VEPH1: variants seen among roughly 807,000 people sequenced by gnomAD.
VEPH1 encodes ventricular zone expressed PH domain containing 1, also known as ventricular zone-expressed PH domain-containing protein homolog 1.
A neutral mutation model predicts 85.2 loss-of-function variants in VEPH1; 80 were observed. The observed-to-expected ratio is 0.94, with a 90% CI of 0.78 to 1.13. VEPH1 has a LOEUF of 1.13. VEPH1 is among the 50% of genes most tolerant of loss of function. The pLI is 0.00. For synonymous variants in VEPH1, 297 were observed against 348.0 expected, an observed-to-expected ratio of 0.85 and a Z score of 1.63; for missense variants, 955 against 980.5, an observed-to-expected ratio of 0.97 and a Z score of 0.35.
intron 2 of VEPH1, among the ~76,000 whole-genome samples, chr3:157,483,422 C>T (rs115549908): frequency 0.013 from 1,970 of 152,022 alleles, 31 homozygotes; most frequent in Non-Finnish European, 0.017. Flanking sequence ...CACATGTAAG[C>T]AGATTAAACA....
chr3:157,384,575 G>A (rs1729097444), intron 6 of VEPH1, among the ~76,000 whole-genome samples: 1 of 152,194 alleles, frequency 6.6e-6, no homozygotes, highest in Non-Finnish European at 1.5e-5. Context: ...GAAGGTCGTT[G>A]TTTGGGTATT....
intron 9 of VEPH1, among the ~76,000 whole-genome samples, chr3:157,341,596 A>G (rs1723567296): frequency 6.6e-6 from 1 of 152,208 alleles, no homozygotes. Flanking sequence ...GTTGGAAAAC[A>G]CTCTTCAGGA....
intron 4 of VEPH1, among the ~76,000 whole-genome samples, chr3:157,437,322 T>G (rs918765492): frequency 2.0e-5 from 3 of 152,186 alleles, no homozygotes; most frequent in Admixed American, 1.3e-4. Flanking sequence ...TACAACTTAA[T>G]CTATACCTGA....
chr3:157,323,335 A>T (rs1037271978), intron 9 of VEPH1, among the ~76,000 whole-genome samples: 1 of 152,222 alleles, frequency 6.6e-6, no homozygotes, highest in African/African-American at 2.4e-5. Flanking sequence ...TAATCATTTG[A>T]TGTTTTCAGA....
intron 4 of VEPH1, chr3:157,459,525 T>C (rs1467135425): frequency 2.3e-6 from 2 of 865,968 alleles, no homozygotes; most frequent in Non-Finnish European, 2.9e-6. Context: ...TGGATGCACA[T>C]CAATTAATAT....
chr3:157,451,766 CT>C (rs1314935026), intron 4 of VEPH1, among the ~76,000 whole-genome samples: 11 of 152,312 alleles, frequency 7.2e-5, no homozygotes, highest in Non-Finnish European at 1.6e-4. Context: ...ATCTCATCAA[CT>C]TTTTAATCAG....
chr3:157,405,091 A>C (rs1731051536), intron 6 of VEPH1, among the ~76,000 whole-genome samples: 1 of 152,096 alleles, frequency 6.6e-6, no homozygotes, highest in Non-Finnish European at 1.5e-5. Flanking sequence ...GGAAGGAGGA[A>C]GATCAAGTCT....
intron 4 of VEPH1, among the ~76,000 whole-genome samples, chr3:157,450,420 A>T (rs555324682): frequency 6.6e-6 from 1 of 151,604 alleles, no homozygotes; most frequent in East Asian, 1.9e-4. Context: ...GATTGTTTTG[A>T]CCCTTCCTTT....
At chr3:157,323,259 T>A (rs915662182) in intron 9 of VEPH1, among the ~76,000 whole-genome samples, 1 of 152,186 alleles carries the variant, frequency 6.6e-6, no homozygotes, top group African/African-American at 2.4e-5. Context: ...TTCTCAAAAA[T>A]AATAATGAAT....
At chr3:157,391,397 T>A (rs993461481) in intron 6 of VEPH1, among the ~76,000 whole-genome samples, 1 of 152,166 alleles carries the variant, frequency 6.6e-6, no homozygotes, top group East Asian at 1.9e-4. Flanking sequence ...GCCCTAGAGC[T>A]AACTTGGGGA....
chr3:157,442,484 T>C (rs774375716), intron 4 of VEPH1: 3 of 1,614,198 alleles, frequency 1.9e-6, no homozygotes, highest in Non-Finnish European at 2.5e-6. Context: ...AAGCCACAGA[T>C]GTATTAAACA....
chr3:157,263,478 C>T (rs12696046), intron 13 of VEPH1, among the ~76,000 whole-genome samples: 7,326 of 152,158 alleles, frequency 0.048, 236 homozygotes, highest in South Asian at 0.085. Flanking sequence ...AAAATTACTA[C>T]GTCTTCATTT....
At chr3:157,283,968 A>G (rs1194726294) in intron 12 of VEPH1, among the ~76,000 whole-genome samples, 1 of 152,254 alleles carries the variant, frequency 6.6e-6, no homozygotes, top group Non-Finnish European at 1.5e-5. Flanking sequence ...CCAGACCAGT[A>G]CATAGTACTC....
chr3:157,395,527 T>C (rs1043543460), intron 6 of VEPH1, among the ~76,000 whole-genome samples: 1 of 152,156 alleles, frequency 6.6e-6, no homozygotes, highest in East Asian at 1.9e-4. Flanking sequence ...CAGGAGTGGT[T>C]GGGGAAAGAG....
At chr3:157,283,845 A>T (rs912133411) in intron 12 of VEPH1, among the ~76,000 whole-genome samples, 2 of 152,232 alleles carry the variant, frequency 1.3e-5, no homozygotes, top group African/African-American at 2.4e-5. Flanking sequence ...TTTAAAAAAT[A>T]TCAAAAACCC....
chr3:157,383,009 A>AT (rs534231470), intron 6 of VEPH1, among the ~76,000 whole-genome samples: 18 of 150,106 alleles, frequency 1.2e-4, no homozygotes, highest in Admixed American at 5.3e-4. Flanking sequence ...TTTTATTTTT[A>AT]TTTTTTTTTG....
chr3:157,343,534 A>G (rs1450914237), intron 9 of VEPH1, among the ~76,000 whole-genome samples: 1 of 152,182 alleles, frequency 6.6e-6, no homozygotes, highest in Non-Finnish European at 1.5e-5. Flanking sequence ...GGCAATAATT[A>G]ATAGCCTACC....
rs192669422 is a variant in VEPH1, at chr3:157,418,346, T to C, written c.697-4256A>G. ...TATTCACGAGTTTGGCATTTTGTCA[T>C]TGAAGATTGATGGATATATCTTCCA... On this transcript the variant is annotated intron_variant, in intron 5 of 13. Transcript: ENST00000362010. 1.4e-3 allele frequency among the ~76,000 whole-genome samples: 211 copies of C among 152,306 alleles called. 2 individuals carry two copies. The highest frequency in any genetic ancestry group is 2.7e-3 in the Admixed American group (42 of 15,294).
intron 4 of VEPH1, among the ~76,000 whole-genome samples, chr3:157,448,690 G>T (rs765188401): frequency 6.2e-4 from 94 of 152,170 alleles, no homozygotes; most frequent in Non-Finnish European, 1.1e-3. Context: ...AGACTTATTC[G>T]GGAGCACTGG....
Sources: gnomAD v4.1 joint callset for allele counts (sites outside exome capture counted in the v4.1 genomes callset) on GRCh38, gnomAD v4.1.1 for gene constraint, MANE v1.5 for transcripts, NCBI Gene and HGNC (gene_info 2026-07-23, HGNC 2026-07-21) for gene names.